Variants in PHKB observed in about 807,000 individuals in gnomAD.
The protein encoded by PHKB is phosphorylase b kinase regulatory subunit beta.
In PHKB, 122 loss-of-function variants were observed where a neutral mutation model predicts 152.1. The ratio of observed to expected loss-of-function variants is 0.80; its 90% CI spans 0.69 to 0.93. The LOEUF (loss-of-function observed/expected upper bound fraction) is 0.93, where lower values mean the gene tolerates loss of function less well. PHKB is among the 40% of genes least tolerant of loss of function. The pLI, the probability that PHKB is intolerant of heterozygous loss-of-function variation, is 0.00. For synonymous variants in PHKB, 436 were observed against 464.9 expected (o/e 0.94, Z 0.80); for missense variants, 1,304 against 1,328.4 (o/e 0.98, Z 0.29).
At chr16:47,488,973 C>A (rs141719572) in intron 1 of PHKB, among the ~76,000 whole-genome samples, 99 of 152,136 alleles carry the variant, frequency 6.5e-4, no homozygotes, top group African/African-American at 2.3e-3. Context: ...TTTTCTATTT[C>A]TGTGTAAAAT....
At chr16:47,470,409 T>TTA (rs1484139443) in intron 1 of PHKB, among the ~76,000 whole-genome samples, 2 of 152,174 alleles carry the variant, frequency 1.3e-5, no homozygotes, top group African/African-American at 4.8e-5. Context: ...CTTTAAGCGG[T>TTA]TTTAGGCCCT....
chr16:47,678,621 G>GT (rs1164301550), intron 26 of PHKB, among the ~76,000 whole-genome samples: 2 of 151,550 alleles, frequency 1.3e-5, no homozygotes. Flanking sequence ...GGGGTTGTTT[G>GT]TTTTTTTCTT....
rs1287914875 is a variant in PHKB at position 47,669,223 on chromosome 16, G to C, written c.2436G>C (p.Leu812=). The C allele has an allele frequency of 6.2e-7, 1 of 1,613,096 alleles. No individual in the cohort carries two copies. The highest frequency in any genetic ancestry group is 8.5e-7 in the Non-Finnish European group (1 of 1,179,314). ...AATTCTGCCACTTGTAGGTAACTCT[G>C]GGTGCCTTTGGGCATGAAGAAGAAG... The part of the protein sequence containing the change: ...TFLVHGKQVT[L]GAFGHEEEVI... Residue 812 remains leucine, a synonymous_variant, in exon 26 of 31, where the codon CTG becomes CTC. Transcript: ENST00000323584.
chr16:47,665,255 C>A, intron 25 of PHKB: 1 of 370,876 alleles, frequency 2.7e-6, no homozygotes, highest in Non-Finnish European at 5.0e-6. Context: ...ATTTTTATTT[C>A]TCTATCTAAA....
chr16:47,621,794 C>T (rs1283598551), intron 14 of PHKB, among the ~76,000 whole-genome samples: 2 of 152,124 alleles, frequency 1.3e-5, no homozygotes, highest in Non-Finnish European at 2.9e-5. Context: ...AGTTTCTCCT[C>T]AGGTAATTCT....
chr16:47,699,339 C>A lies in PHKB; in HGVS notation c.3255C>A (p.Asn1085Lys), dbSNP rs773823086. The change falls in exon 31 of 31, where the codon AAC becomes AAA. Residue 1085 changes from asparagine (N) to lysine (K), a missense_variant. By Grantham distance (94) the Asn-to-Lys change is moderately conservative. Transcript: ENST00000323584. The stretch of plus-strand genomic sequence containing the variant: ...TGCTGGAAGGAGAAGTCAAGCCAAA[C>A]AATGATGACCCGTGTCTGATTAGCT... Reference protein sequence around the residue: ...NLLLEGEVKPNNDDPCLIS With the variant: ...NLLLEGEVKPKNDDPCLIS 4.3e-6 allele frequency: 7 copies of A among 1,613,998 alleles called. No homozygotes were observed. Among genetic ancestry groups the A allele is most frequent in the Non-Finnish European group, 5.9e-6 (7 of 1,180,018 alleles).
At chr16:47,644,671 A>G (rs1439807664) in intron 16 of PHKB, among the ~76,000 whole-genome samples, 1 of 152,238 alleles carries the variant, frequency 6.6e-6, no homozygotes, top group African/African-American at 2.4e-5. Context: ...TTGCAGACAG[A>G]TCAAAAATTG....
chr16:47,649,236 A>G (rs768882236), intron 18 of PHKB, 32 bp downstream of exon 18: 3 of 1,146,100 alleles, frequency 2.6e-6, no homozygotes, highest in Non-Finnish European at 4.0e-6. Context: ...TAAAAATGGA[A>G]TGAGTTTGTT....
At chr16:47,684,669 A>G (rs552566814) in intron 26 of PHKB, among the ~76,000 whole-genome samples, 51 of 152,118 alleles carry the variant, frequency 3.4e-4, no homozygotes, top group Non-Finnish European at 6.6e-4. Context: ...CGGGAAGCTG[A>G]GGCAGGAGAA....
At chr16:47,663,817 G>A in intron 24 of PHKB, 83 bp downstream of exon 24, 1 of 850,128 alleles carries the variant, frequency 1.2e-6, no homozygotes, top group Non-Finnish European at 2.0e-6. Flanking sequence ...CAATATTAAA[G>A]ATAGTTATTC....
rs773205868 is a variant in PHKB, at chr16:47,648,519, C to T, written c.1609-14C>T. ...TTCTTACCTGACTCTAATTTACAAA[C>T]TTGTGTCTTACAGGCTTATTTGCAG... is the stretch of plus-strand genomic sequence containing the variant. On this transcript the variant is annotated splice_polypyrimidine_tract_variant and intron_variant, in intron 16 of 30. Transcript: ENST00000323584. 2 of 1,583,278 alleles carry T rather than the reference C, an allele frequency of 1.3e-6. No homozygotes were observed. Among genetic ancestry groups the T allele is most frequent in the African/African-American group, 2.7e-5 (2 of 74,306 alleles).
rs565348114 is a variant in PHKB at position 47,555,751 on chromosome 16, G to A, written c.710+8203G>A. Among the ~76,000 whole-genome samples, 28 of 152,304 alleles carry A rather than the reference G, an allele frequency of 1.8e-4. No individual in the cohort carries two copies. In the East Asian group the frequency reaches 4.3e-3, roughly 23 times the overall value. On this transcript the variant is annotated intron_variant, in intron 7 of 30. Coordinates refer to ENST00000323584, the MANE Select transcript of PHKB (RefSeq NM_000293.3). Reference sequence around the variant, plus strand: ...CATGTTGGCTTAGGATTGACTTGGCGATGTGGGCTCGTTTTTGGTTCCATA... The same window carrying A: ...CATGTTGGCTTAGGATTGACTTGGCAATGTGGGCTCGTTTTTGGTTCCATA...
chr16:47,576,857 C>T (rs2151690804), intron 7 of PHKB, among the ~76,000 whole-genome samples: 1 of 152,118 alleles, frequency 6.6e-6, no homozygotes, highest in South Asian at 2.1e-4. Flanking sequence ...TTTGAGGGGA[C>T]TTTTTTATAG....
At chr16:47,565,907 C>G in intron 7 of PHKB, 1 of 1,115,192 alleles carries the variant, frequency 9.0e-7, no homozygotes, top group East Asian at 2.4e-5. Context: ...GCTTTAGATT[C>G]AGTTTGGGTC....
intron 6 of PHKB, among the ~76,000 whole-genome samples, chr16:47,539,514 G>A (rs1308134633): frequency 6.6e-6 from 1 of 151,946 alleles, no homozygotes; most frequent in Non-Finnish European, 1.5e-5. Flanking sequence ...TAGATACATT[G>A]TTGAAGAATG....
Position 47,511,693 on chromosome 16 carries a change from C to A in PHKB, c.434C>A (p.Pro145Gln). 1 of 1,613,070 alleles carries A rather than the reference C, an allele frequency of 6.2e-7. No individual in the cohort carries two copies. The highest frequency in any genetic ancestry group is 8.5e-7 in the Non-Finnish European group (1 of 1,179,064). Residue 145 changes from proline (P) to glutamine (Q), a missense_variant, in exon 5 of 31, where the codon CCA becomes CAA. Transcript: ENST00000323584. The stretch of plus-strand genomic sequence containing the variant: ...CAGCAGTTTAAGCAGGATCCACGCC[C>A]AACAACATGTCTTCACTCTGTTTTC... ...KVQQFKQDPR[P>Q]TTCLHSVFNV...
chr16:47,689,889 T>C (rs1180616061), intron 27 of PHKB, among the ~76,000 whole-genome samples: 1 of 152,234 alleles, frequency 6.6e-6, no homozygotes, highest in Non-Finnish European at 1.5e-5. Flanking sequence ...AAGATGTCAG[T>C]TGTAAATATA....
At chr16:47,491,307 C>T (rs1970147053) in intron 1 of PHKB, among the ~76,000 whole-genome samples, 1 of 152,056 alleles carries the variant, frequency 6.6e-6, no homozygotes, top group Non-Finnish European at 1.5e-5. Context: ...ATTGCCTTAC[C>T]AGTTGTGAAG....
At chr16:47,503,411 T>C (rs1970357097) in intron 4 of PHKB, among the ~76,000 whole-genome samples, 1 of 152,266 alleles carries the variant, frequency 6.6e-6, no homozygotes, top group Admixed American at 6.5e-5. Flanking sequence ...AATATTTTAT[T>C]AAAGAATATC....
Sources: gnomAD v4.1 joint callset for allele counts (sites outside exome capture counted in the v4.1 genomes callset) on GRCh38, gnomAD v4.1.1 for gene constraint, MANE v1.5 for transcripts, NCBI Gene and HGNC (gene_info 2026-07-23, HGNC 2026-07-21) for gene names.